CFAP92: variants seen among roughly 807,000 people sequenced by gnomAD.
CFAP92 encodes uncharacterized protein CFAP92.
In CFAP92, 86 loss-of-function variants were observed where a neutral mutation model predicts 106.3. The ratio of observed to expected loss-of-function variants is 0.81; its 90% CI spans 0.68 to 0.97. The LOEUF (loss-of-function observed/expected upper bound fraction) is 0.97. CFAP92 is among the 50% of genes least tolerant of loss of function. The probability of loss-of-function intolerance (pLI) is 0.00; values close to 1 mark genes in which losing one functional copy is unlikely to be tolerated. For missense variants in CFAP92, 1,204 were observed against 1,283.8 expected (o/e 0.94, Z 0.95); for synonymous variants, 477 against 506.4 (o/e 0.94, Z 0.78).
chr3:128,942,968 TG>T (rs1939805809), intron 10 of CFAP92, among the ~76,000 whole-genome samples: 1 of 140,370 alleles, frequency 7.1e-6, no homozygotes, highest in Non-Finnish European at 1.5e-5. Context: ...TCACCCAGGC[TG>T]GAGTGCAGTG....
chr3:129,009,384 TC>T, the CFAP92 span, among the ~76,000 whole-genome samples: 8 of 152,094 alleles, frequency 5.3e-5, no homozygotes, highest in Non-Finnish European at 1.0e-4. Flanking sequence ...GCAAATTCTC[TC>T]CCCCAGTAGC....
chr3:128,948,218 G>A (rs1940427401), intron 9 of CFAP92, among the ~76,000 whole-genome samples: 2 of 151,776 alleles, frequency 1.3e-5, no homozygotes, highest in Non-Finnish European at 2.9e-5. Flanking sequence ...GGTGAGACAG[G>A]GTCTTGCTCT....
intron 12 of CFAP92, 138 bp from the exon 13 acceptor site, chr3:128,916,409 T>A: frequency 1.7e-6 from 1 of 591,486 alleles, no homozygotes; most frequent in Non-Finnish European, 2.5e-6. Flanking sequence ...TGCTGTTATT[T>A]CATCATAGAA....
chr3:128,914,114 C>G (rs1223752620), intron 15 of CFAP92, among the ~76,000 whole-genome samples: 1 of 152,184 alleles, frequency 6.6e-6, no homozygotes, highest in African/African-American at 2.4e-5. Flanking sequence ...AGAGGAGACC[C>G]CAGCAAGTGT....
the CFAP92 span, among the ~76,000 whole-genome samples, chr3:129,020,986 G>A: frequency 5.9e-5 from 9 of 152,194 alleles, no homozygotes; most frequent in Non-Finnish European, 8.8e-5. Context: ...GAGCTGGGAG[G>A]GGTCTGGAAC....
chr3:128,964,806 A>T (rs566140395), intron 9 of CFAP92, among the ~76,000 whole-genome samples: 15 of 151,552 alleles, frequency 9.9e-5, no homozygotes, highest in African/African-American at 3.6e-4. Flanking sequence ...AATCTCTCCC[A>T]CTCTAGGTTC....
Position 128,915,286 on chromosome 3 carries a change from GGAGT to G in CFAP92, c.3124-15_3124-12del. ...GTTTTCCTTCCACTCCTAAATTGGG[GGAGT>G]AAGTAAATCAGGAGGAGAAAGGTCC... On this transcript the variant is annotated splice_polypyrimidine_tract_variant and intron_variant, in intron 14 of 15. Transcript: ENST00000645291. 2 of 1,536,082 alleles carry G rather than the reference GGAGT, an allele frequency of 1.3e-6. No individual in the cohort carries two copies. Among genetic ancestry groups the G allele is most frequent in the Non-Finnish European group, 1.7e-6 (2 of 1,146,858 alleles).
chr3:128,938,594 T>C (rs571369241), intron 10 of CFAP92, among the ~76,000 whole-genome samples: 63 of 151,146 alleles, frequency 4.2e-4, no homozygotes, highest in African/African-American at 1.2e-3. Context: ...CCCGGGTTCA[T>C]GCCATTCTCC....
At chr3:128,921,083 T>G (rs1284042278) in intron 12 of CFAP92, among the ~76,000 whole-genome samples, 1 of 152,178 alleles carries the variant, frequency 6.6e-6, no homozygotes, top group African/African-American at 2.4e-5. Flanking sequence ...CTTCACAGCC[T>G]CCATACTAGT....
rs1412961684 is a variant in CFAP92, at chr3:128,915,408, G to A, written c.3072C>T (p.Thr1024=). The A allele has an allele frequency of 1.3e-5, 20 of 1,535,964 alleles. No individual in the cohort carries two copies. Among genetic ancestry groups the A allele is most frequent in the East Asian group, 4.9e-5 (2 of 40,918 alleles). ...GFQVTGLQSD[T]ESSFQDLKLP... is the part of the protein sequence containing the mutation. ...GCTTGAGATCCTGAAAGCTGCTTTC[G>A]GTGTCGCTCTGAAGACCTGTCACTT... Residue 1024 remains threonine, a synonymous_variant, in exon 14 of 16, where the codon ACC becomes ACT. Transcript: ENST00000645291.
chr3:128,941,615 T>G lies in CFAP92; in HGVS notation c.2258+3456A>C, dbSNP rs1939641904. 5.9e-5 allele frequency among the ~76,000 whole-genome samples: 9 copies of G among 152,136 alleles called. 1 individual carries two copies. Among genetic ancestry groups the G allele is most frequent in the Admixed American group, 5.9e-4 (9 of 15,266 alleles). ...CCTCAGCCTCCCAAGTAGCTGGGAATACAAGCATGTGCCACCACGCCCAGC... is the reference window on the plus strand; with the variant it reads ...CCTCAGCCTCCCAAGTAGCTGGGAAGACAAGCATGTGCCACCACGCCCAGC... On this transcript the variant is annotated intron_variant, in intron 10 of 15. Coordinates refer to ENST00000645291, the MANE Select transcript of CFAP92 (RefSeq NM_001394090.1).
At chr3:129,025,976 C>T in the CFAP92 span, among the ~76,000 whole-genome samples, 6 of 152,220 alleles carry the variant, frequency 3.9e-5, no homozygotes, top group African/African-American at 1.4e-4. Flanking sequence ...GGGCCTGGAG[C>T]CTCCCGCCTG....
At chr3:128,941,291 CT>C (rs1329678203) in intron 10 of CFAP92, among the ~76,000 whole-genome samples, 4 of 152,012 alleles carry the variant, frequency 2.6e-5, no homozygotes, top group African/African-American at 9.7e-5. Flanking sequence ...TCTGAACATA[CT>C]TTTGGTATTT....
At chr3:128,971,548 A>G (rs1942796294) in intron 7 of CFAP92, 115 bp from the exon 8 acceptor site, 1 of 881,106 alleles carries the variant, frequency 1.1e-6, no homozygotes, top group Non-Finnish European at 1.7e-6. Context: ...CCTAGAAGGC[A>G]GGGGTTATTC....
At chr3:128,962,247 A>G (rs1941988791) in intron 9 of CFAP92, among the ~76,000 whole-genome samples, 1 of 152,162 alleles carries the variant, frequency 6.6e-6, no homozygotes, top group South Asian at 2.1e-4. Context: ...TCACAGCGGA[A>G]GGTAAGCCCG....
chr3:129,015,097 G>A, the CFAP92 span, among the ~76,000 whole-genome samples: 13 of 152,000 alleles, frequency 8.6e-5, no homozygotes, highest in Non-Finnish European at 1.3e-4. Context: ...ATCCCACCTC[G>A]GGCTCGCCCA....
intron 15 of CFAP92, among the ~76,000 whole-genome samples, chr3:128,914,377 A>C (rs1936638192): frequency 6.6e-6 from 1 of 152,180 alleles, no homozygotes; most frequent in Non-Finnish European, 1.5e-5. Flanking sequence ...GTCTAGGCAA[A>C]TGGAGAAAGT....
intron 15 of CFAP92, 74 bp downstream of exon 15, chr3:128,915,045 G>T: frequency 7.0e-7 from 1 of 1,419,762 alleles, no homozygotes; most frequent in Non-Finnish European, 9.5e-7. Context: ...TACCACTGAA[G>T]ATGCAGAGTG....
chr3:128,920,625 C>T lies in CFAP92; in HGVS notation c.2752-4354G>A, dbSNP rs141284256. 2.5e-3 allele frequency among the ~76,000 whole-genome samples: 377 copies of T among 152,196 alleles called. 3 individuals are homozygous for T. Among genetic ancestry groups the T allele is most frequent in the African/African-American group, 8.7e-3 (362 of 41,518 alleles). On this transcript the variant is annotated intron_variant, in intron 12 of 15. Coordinates refer to ENST00000645291, the MANE Select transcript of CFAP92 (RefSeq NM_001394090.1). ...GCTGAGGCAGGGCTTGCATGTCTGA[C>T]GTAACGTAAAAGAGTCTTGGAACAT...
Sources: allele counts gnomAD v4.1 joint callset (sites outside exome capture counted in the v4.1 genomes callset), GRCh38; gene constraint gnomAD v4.1.1; transcripts MANE v1.5; gene names NCBI Gene and HGNC (gene_info 2026-07-23, HGNC 2026-07-21).